The following MDGA2 variants were observed in gnomAD, a reference collection of about 807,000 sequenced individuals.
The protein encoded by MDGA2 is MAM domain containing glycosylphosphatidylinositol anchor 2, also known as MAM domain-containing glycosylphosphatidylinositol anchor protein 2.
A neutral mutation model predicts 117.8 loss-of-function variants in MDGA2; 40 were observed. The observed-to-expected ratio is 0.34, with a 90% CI of 0.26 to 0.44. MDGA2 has a LOEUF of 0.44. Among genes scored for constraint, MDGA2 ranks in the 20% least tolerant of loss-of-function variants. The pLI is 1.00. For missense variants in MDGA2, 1,123 were observed against 1,250.6 expected, an observed-to-expected ratio of 0.90 and a Z score of 1.54; for synonymous variants, 452 against 439.0, an observed-to-expected ratio of 1.03 and a Z score of -0.37.
intron 1 of MDGA2, among the ~76,000 whole-genome samples, chr14:47,361,542 GT>G (rs1374629307): frequency 1.3e-5 from 2 of 151,732 alleles, no homozygotes; most frequent in Admixed American, 6.6e-5. Context: ...ATTTCTGGTT[GT>G]TTTTTTTAAA....
chr14:47,172,691 G>A (rs566457872), intron 3 of MDGA2, among the ~76,000 whole-genome samples: 3 of 151,470 alleles, frequency 2.0e-5, no homozygotes, highest in African/African-American at 7.2e-5. Flanking sequence ...AAACCACAAA[G>A]ATGGGGAAAA....
At chr14:47,478,379 ATATTAT>A (rs928700278) in intron 1 of MDGA2, among the ~76,000 whole-genome samples, 2 of 151,966 alleles carry the variant, frequency 1.3e-5, no homozygotes, top group East Asian at 1.9e-4. Flanking sequence ...GTATTTGAAA[ATATTAT>A]TATTATTTAG....
chr14:47,100,129 CAAAT>C (rs763930112), intron 5 of MDGA2, among the ~76,000 whole-genome samples: 7 of 151,806 alleles, frequency 4.6e-5, no homozygotes, highest in Non-Finnish European at 8.8e-5. Context: ...CTCTACATTT[CAAAT>C]AAATAATTAT....
intron 1 of MDGA2, among the ~76,000 whole-genome samples, chr14:47,657,826 T>C (rs1897772377): frequency 6.6e-6 from 1 of 152,200 alleles, no homozygotes; most frequent in African/African-American, 2.4e-5. Context: ...TTCAGCAGCT[T>C]GGAGATGATA....
At chr14:47,069,535 C>T (rs1594586895) in intron 6 of MDGA2, among the ~76,000 whole-genome samples, 1 of 152,202 alleles carries the variant, frequency 6.6e-6, no homozygotes, top group African/African-American at 2.4e-5. Context: ...TTCTCATTCA[C>T]ATCACAATTG....
At chr14:47,061,666 A>G in intron 6 of MDGA2, 88 bp from the exon 7 acceptor site, 3 of 1,109,914 alleles carry the variant, frequency 2.7e-6, no homozygotes, top group Non-Finnish European at 3.8e-6. Context: ...CTGAGCTGAA[A>G]TAAAGTAAAA....
intron 14 of MDGA2, among the ~76,000 whole-genome samples, chr14:46,863,252 C>T (rs1566496314): frequency 6.6e-6 from 1 of 152,076 alleles, no homozygotes; most frequent in Non-Finnish European, 1.5e-5. Context: ...CCTCAGTCTT[C>T]TCTCCCTTGT....
chr14:47,482,237 T>C (rs11624882), intron 1 of MDGA2, among the ~76,000 whole-genome samples: 42,512 of 151,810 alleles, frequency 0.28, 6,342 homozygotes, highest in South Asian at 0.53. Flanking sequence ...CCCAGGATGA[T>C]AGAAATTTAG....
intron 8 of MDGA2, among the ~76,000 whole-genome samples, chr14:47,010,411 C>T (rs558977298): frequency 1.2e-4 from 19 of 152,032 alleles, no homozygotes; most frequent in South Asian, 4.2e-4. Context: ...TACACTCTGA[C>T]GTAAAATATT....
chr14:47,292,836 C>G (rs1888936137), intron 2 of MDGA2, among the ~76,000 whole-genome samples: 1 of 152,194 alleles, frequency 6.6e-6, no homozygotes, highest in Non-Finnish European at 1.5e-5. Context: ...CCACTCTAGT[C>G]AGCTACCCTT....
chr14:47,160,548 T>C (rs1436371285), intron 3 of MDGA2, among the ~76,000 whole-genome samples: 1 of 152,162 alleles, frequency 6.6e-6, no homozygotes, highest in East Asian at 1.9e-4. Context: ...TAATCCTTGC[T>C]ACTCAGGAGG....
At chr14:47,636,979 A>AG (rs1897335318) in intron 1 of MDGA2, among the ~76,000 whole-genome samples, 1 of 151,954 alleles carries the variant, frequency 6.6e-6, no homozygotes, top group South Asian at 2.1e-4. Flanking sequence ...CTCAAAAAAA[A>AG]AAAATTAAAA....
At chr14:47,193,759 C>T (rs1180243552) in intron 3 of MDGA2, among the ~76,000 whole-genome samples, 2 of 152,260 alleles carry the variant, frequency 1.3e-5, no homozygotes, top group East Asian at 3.9e-4. Flanking sequence ...AATTGTGCTC[C>T]TTTCTTCGGG....
chr14:47,220,193 T>C (rs1426283776), intron 2 of MDGA2, among the ~76,000 whole-genome samples: 2 of 152,174 alleles, frequency 1.3e-5, no homozygotes, highest in African/African-American at 4.8e-5. Context: ...AATTTACACA[T>C]TGGAAGAGTT....
chr14:47,640,042 T>A (rs1191687380), intron 1 of MDGA2, among the ~76,000 whole-genome samples: 1 of 152,178 alleles, frequency 6.6e-6, no homozygotes, highest in African/African-American at 2.4e-5. Context: ...GGTAACATCT[T>A]GCCTTTGTTT....
intron 3 of MDGA2, among the ~76,000 whole-genome samples, chr14:47,168,119 C>T (rs1883961908): frequency 6.6e-6 from 1 of 151,984 alleles, no homozygotes; most frequent in South Asian, 2.1e-4. Context: ...GTCTACATCT[C>T]TTTATTTGAC....
At chr14:47,268,056 C>T (rs184212792) in intron 2 of MDGA2, among the ~76,000 whole-genome samples, 3 of 151,812 alleles carry the variant, frequency 2.0e-5, no homozygotes, top group African/African-American at 7.2e-5. Flanking sequence ...AGCCTCAAAA[C>T]ATCTTATTTC....
chr14:47,403,587 C>G (rs1035780199), intron 1 of MDGA2, among the ~76,000 whole-genome samples: 2 of 152,138 alleles, frequency 1.3e-5, no homozygotes, highest in African/African-American at 2.4e-5. Flanking sequence ...CATATCCTCA[C>G]CCTCTACTAC....
At chr14:46,886,799 A>G (rs889557579) in intron 10 of MDGA2, among the ~76,000 whole-genome samples, 2 of 152,022 alleles carry the variant, frequency 1.3e-5, no homozygotes, top group Non-Finnish European at 2.9e-5. Context: ...CCACATCAGC[A>G]TCTTTGGCTA....
Sources: allele counts gnomAD v4.1 joint callset (sites outside exome capture counted in the v4.1 genomes callset), GRCh38; gene constraint gnomAD v4.1.1; transcripts MANE v1.5; gene names NCBI Gene and HGNC (gene_info 2026-07-23, HGNC 2026-07-21).